TNIP1: variants seen among roughly 807,000 people sequenced by gnomAD.
TNIP1 encodes the protein TNFAIP3-interacting protein 1.
In TNIP1, 22 loss-of-function variants were observed where a neutral mutation model predicts 86.6. That is an observed-to-expected ratio of 0.25 (90% CI 0.18 to 0.36). The LOEUF (loss-of-function observed/expected upper bound fraction) is 0.36, where lower values mean the gene tolerates loss of function less well. TNIP1 is among the 10% of genes least tolerant of loss of function. The probability of loss-of-function intolerance (pLI) is 1.00; values close to 1 mark genes in which losing one functional copy is unlikely to be tolerated. For missense variants in TNIP1, 709 were observed against 820.6 expected, an observed-to-expected ratio of 0.86 and a Z score of 1.66; for synonymous variants, 294 against 313.0, an observed-to-expected ratio of 0.94 and a Z score of 0.64.
intron 7 of TNIP1, 52 bp from the exon 8 acceptor site, chr5:151,049,999 C>A: frequency 6.2e-7 from 1 of 1,610,806 alleles, no homozygotes; most frequent in Non-Finnish European, 8.5e-7. Context: ...AGTTAAGAAA[C>A]CTACAGGGCT....
chr5:151,059,850 TGTGTGTGTGTGTGTGTGC>T (rs1339543369), intron 5 of TNIP1, among the ~76,000 whole-genome samples: 4 of 99,596 alleles, frequency 4.0e-5, no homozygotes, highest in Middle Eastern at 4.9e-3. Context: ...TGTGTGTGTG[TGTGTGTGTGTGTGTGTGC>T]GCGCGCGCGC....
intron 1 of TNIP1, among the ~76,000 whole-genome samples, chr5:151,069,111 G>A (rs1404808279): frequency 6.6e-6 from 1 of 152,240 alleles, no homozygotes. Context: ...TGATGCTGCT[G>A]AAACCGAAGG....
Position 151,030,564 on chromosome 5 carries a change from AG to A in TNIP1, c.*148del. The A allele has an allele frequency of 7.8e-7, 1 of 1,279,062 alleles. No individual in the cohort carries two copies. Among genetic ancestry groups the A allele is most frequent in the East Asian group, 2.5e-5 (1 of 39,694 alleles). 79.2% of individuals were successfully genotyped at this position (1,279,062 alleles called of 1,614,324 possible). ...CCCAGTCCTGTAAACAGCTCAGTTC[AG>A]GGACTGGTGTACAAGCTGGCCACCC... On this transcript the variant is annotated 3_prime_UTR_variant, in exon 18 of 18. Coordinates refer to ENST00000521591, the MANE Select transcript of TNIP1 (RefSeq NM_006058.5).
At chr5:151,062,566 C>T (rs745732528) in intron 3 of TNIP1, among the ~76,000 whole-genome samples, 11 of 152,166 alleles carry the variant, frequency 7.2e-5, no homozygotes, top group South Asian at 2.1e-4. Context: ...AGCCCCATAT[C>T]CCCATTTTAA....
At chr5:151,085,464 T>C (rs1764240441), upstream of TNIP1, among the ~76,000 whole-genome samples, 1 of 152,200 alleles carries the variant, frequency 6.6e-6, no homozygotes, top group Non-Finnish European at 1.5e-5. Context: ...TGGAAGGCAT[T>C]GCTGCTGACT....
At chr5:151,069,708 G>T (rs892924123) in intron 1 of TNIP1, among the ~76,000 whole-genome samples, 1 of 152,182 alleles carries the variant, frequency 6.6e-6, no homozygotes, top group Non-Finnish European at 1.5e-5. Context: ...CTGGCAGAGG[G>T]GGTATAGGGA....
chr5:151,052,380 C>T (rs545578065), intron 6 of TNIP1, 121 bp from the exon 7 acceptor site: 2 of 762,806 alleles, frequency 2.6e-6, no homozygotes, highest in East Asian at 2.7e-5. Flanking sequence ...ATCCCCTTTG[C>T]CTGGCCTCAC....
chr5:151,064,148 C>T (rs948415376), intron 2 of TNIP1, among the ~76,000 whole-genome samples: 1 of 152,236 alleles, frequency 6.6e-6, no homozygotes, highest in African/African-American at 2.4e-5. Context: ...GGGCGGAGAC[C>T]TTGGATAATT....
At chr5:151,069,404 G>C (rs1268806891) in intron 1 of TNIP1, among the ~76,000 whole-genome samples, 1 of 152,174 alleles carries the variant, frequency 6.6e-6, no homozygotes, top group Non-Finnish European at 1.5e-5. Flanking sequence ...CCCAAGCATT[G>C]TTTTTCCATC....
At chr5:151,082,738 A>T (rs1764115952), upstream of TNIP1, among the ~76,000 whole-genome samples, 1 of 152,246 alleles carries the variant, frequency 6.6e-6, no homozygotes, top group Admixed American at 6.5e-5. Context: ...TGACATAAAA[A>T]AATGGCACTC....
intron 11 of TNIP1, among the ~76,000 whole-genome samples, chr5:151,039,986 A>G (rs997379459): frequency 4.6e-5 from 7 of 152,114 alleles, no homozygotes; most frequent in Non-Finnish European, 8.8e-5. Context: ...CTGTAATACG[A>G]TGGGAAACAA....
upstream of TNIP1, among the ~76,000 whole-genome samples, chr5:151,085,985 G>C (rs1764263372): frequency 6.6e-6 from 1 of 152,136 alleles, no homozygotes; most frequent in South Asian, 2.1e-4. Flanking sequence ...CTGTAGCCTA[G>C]AAGCCACCGT....
rs749075033 is a variant in TNIP1, at chr5:151,045,823, A to T, written c.936+38T>A. 1.9e-6 allele frequency: 3 copies of T among 1,600,808 alleles called. No individual in the cohort carries two copies. In the African/African-American group the frequency reaches 4.0e-5, roughly 21 times the overall value. ...TTTGTGCTGCTGGTCCCGGGAGGTA[A>T]GAGGGATCCTCCCACTACTGCCACC... On this transcript the variant is annotated intron_variant, in intron 9 of 17. Transcript: ENST00000521591.
upstream of TNIP1, chr5:151,081,121 G>C (rs1747830183): frequency 6.6e-6 from 1 of 152,200 alleles, no homozygotes; most frequent in African/African-American, 2.4e-5. Flanking sequence ...CGCGCTCCGG[G>C]CGGGCCCGCG....
rs556972337 is a variant in TNIP1, at chr5:151,038,458, A to T, written c.1263+639T>A. Among the ~76,000 whole-genome samples the T allele has an allele frequency of 2.0e-5, 3 of 152,218 alleles. No individual in the cohort carries two copies. In the South Asian group the frequency reaches 6.2e-4, roughly 32 times the overall value. On this transcript the variant is annotated intron_variant, in intron 12 of 17. Coordinates refer to ENST00000521591, the MANE Select transcript of TNIP1 (RefSeq NM_006058.5). ...CTCGGATGGCAAAACTGAACTGGAG[A>T]GGCTGGAGAGGCTAAGCTGGGACTA... is the stretch of plus-strand genomic sequence containing the variant.
intron 12 of TNIP1, among the ~76,000 whole-genome samples, chr5:151,038,008 T>C (rs1481941184): frequency 1.3e-5 from 2 of 152,176 alleles, no homozygotes; most frequent in African/African-American, 4.8e-5. Context: ...CTCATCCACA[T>C]GGTGTCTGTC....
Position 151,060,206 on chromosome 5 carries a change from A to C in TNIP1, c.435+112T>G. 5 of 1,096,350 alleles carry C rather than the reference A, an allele frequency of 4.6e-6. No individual in the cohort carries two copies. In the South Asian group the frequency reaches 6.5e-5, roughly 14 times the overall value. 67.9% of individuals were successfully genotyped at this position (1,096,350 alleles called of 1,614,324 possible). On this transcript the variant is annotated intron_variant, in intron 5 of 17. Coordinates refer to ENST00000521591, the MANE Select transcript of TNIP1 (RefSeq NM_006058.5). ...CCTGCCCCTCGTGTATCCCCAAGTG[A>C]CTCCAGGGTACCTAAGGGATCTGAA...
chr5:151,052,544 A>G (rs1314189421), intron 6 of TNIP1, among the ~76,000 whole-genome samples: 1 of 152,008 alleles, frequency 6.6e-6, no homozygotes, highest in Non-Finnish European at 1.5e-5. Context: ...CCCTGCTCCC[A>G]CTGCCGGGAC....
intron 6 of TNIP1, among the ~76,000 whole-genome samples, chr5:151,054,283 A>C (rs1185746249): frequency 6.6e-6 from 1 of 152,174 alleles, no homozygotes; most frequent in East Asian, 1.9e-4. Context: ...GAGATTTCAG[A>C]GTTGTTTCAT....
Sources: allele counts gnomAD v4.1 joint callset (sites outside exome capture counted in the v4.1 genomes callset), GRCh38; gene constraint gnomAD v4.1.1; transcripts MANE v1.5; gene names NCBI Gene and HGNC (gene_info 2026-07-23, HGNC 2026-07-21).